SEPSECS: variants seen among roughly 807,000 people sequenced by gnomAD.
The protein encoded by SEPSECS is O-phosphoseryl-tRNA(Sec) selenium transferase.
Under a neutral mutation model 52.1 loss-of-function variants are expected in SEPSECS, and 42 were observed. That is an observed-to-expected ratio of 0.81 (90% CI 0.63 to 1.04). SEPSECS has a LOEUF of 1.04. Among genes scored for constraint, SEPSECS ranks in the 50% least tolerant of loss-of-function variants. The pLI, the probability that SEPSECS is intolerant of heterozygous loss-of-function variation, is 0.00. For missense variants in SEPSECS, 590 were observed against 610.6 expected (o/e 0.97, Z 0.36); for synonymous variants, 216 against 211.4 (o/e 1.02, Z -0.19).
intron 8 of SEPSECS, among the ~76,000 whole-genome samples, chr4:25,140,053 T>C (rs961663971): frequency 3.9e-5 from 6 of 152,210 alleles, no homozygotes; most frequent in African/African-American, 1.4e-4. Context: ...CAGCTGACAG[T>C]TGTAAGATTA....
At position 25,157,274 on chromosome 4, in the gene SEPSECS, C is replaced by A. The variant is rs6819293; in HGVS notation, c.270-300G>T. On this transcript the variant is annotated intron_variant, in intron 2 of 10. Coordinates refer to ENST00000382103, the MANE Select transcript of SEPSECS (RefSeq NM_016955.4). The stretch of plus-strand genomic sequence containing the variant: ...TACTTCCTCTCCACTTGAATCTGGG[C>A]TGAATTTAGTAACTTGCTTGGCCAG... Among the ~76,000 whole-genome samples, 2,002 of 152,254 alleles carry A rather than the reference C, an allele frequency of 0.013. 41 individuals are homozygous for A. Among genetic ancestry groups the A allele is most frequent in the African/African-American group, 0.044 (1,848 of 41,530 alleles).
At chr4:25,156,514 C>A (rs1432969379) in intron 3 of SEPSECS, among the ~76,000 whole-genome samples, 2 of 151,560 alleles carry the variant, frequency 1.3e-5, no homozygotes, top group Non-Finnish European at 2.9e-5. Flanking sequence ...ACCATCCTGG[C>A]TAACACGGTG....
chr4:25,159,401 G>C (rs1712905615), intron 1 of SEPSECS: 1 of 381,440 alleles, frequency 2.6e-6, no homozygotes, highest in African/African-American at 2.1e-5. Flanking sequence ...CACATCCCCA[G>C]TGAAGATGCT....
chr4:25,134,793 A>T (rs1039332848), intron 8 of SEPSECS, among the ~76,000 whole-genome samples: 25 of 152,186 alleles, frequency 1.6e-4, no homozygotes, highest in African/African-American at 5.8e-4. Flanking sequence ...ATTTGGCATT[A>T]TAATGGCAGC....
chr4:25,150,272 T>C (rs1226602946), intron 6 of SEPSECS, among the ~76,000 whole-genome samples: 4 of 152,238 alleles, frequency 2.6e-5, no homozygotes, highest in Non-Finnish European at 5.9e-5. Flanking sequence ...ATGTCAAAAC[T>C]GTATGTGTAT....
At chr4:25,144,403 A>G (rs1711831079) in intron 8 of SEPSECS, among the ~76,000 whole-genome samples, 1 of 151,940 alleles carries the variant, frequency 6.6e-6, no homozygotes, top group Non-Finnish European at 1.5e-5. Flanking sequence ...TCACTCCTAA[A>G]CAATTTTCAA....
intron 5 of SEPSECS, among the ~76,000 whole-genome samples, chr4:25,153,794 C>T (rs1385005933): frequency 3.3e-5 from 5 of 151,956 alleles, no homozygotes; most frequent in South Asian, 4.1e-4. Flanking sequence ...CATTACACAA[C>T]GGTGACAAAT....
intron 8 of SEPSECS, among the ~76,000 whole-genome samples, chr4:25,128,429 TAACAAAAACAAA>T (rs142838476): frequency 0.025 from 3,767 of 150,622 alleles, 129 homozygotes; most frequent in African/African-American, 0.084. Flanking sequence ...CTGGGTAACA[TAACAAAAACAAA>T]AACAAAAACA....
chr4:25,137,377 C>T (rs900686900), intron 8 of SEPSECS, among the ~76,000 whole-genome samples: 1 of 151,928 alleles, frequency 6.6e-6, no homozygotes, highest in African/African-American at 2.4e-5. Context: ...GAAAAAAAAT[C>T]AAACAACCCC....
At position 25,138,494 on chromosome 4, in the gene SEPSECS, A is replaced by C. The variant is rs531015259; in HGVS notation, c.1026+6280T>G. Reference sequence around the variant, plus strand: ...TTAAATAAATAAATAAAATAAATTTATGATTTTAGCCAAATCTGAGGAGTG... The same window carrying C: ...TTAAATAAATAAATAAAATAAATTTCTGATTTTAGCCAAATCTGAGGAGTG... On this transcript the variant is annotated intron_variant, in intron 8 of 10. Coordinates refer to ENST00000382103, the MANE Select transcript of SEPSECS (RefSeq NM_016955.4). Among the ~76,000 whole-genome samples, 4 of 151,692 alleles carry C rather than the reference A, an allele frequency of 2.6e-5. No individual in the cohort carries two copies. The East Asian group carries it at 7.7e-4, about 29-fold the overall frequency.
intron 10 of SEPSECS, 93 bp downstream of exon 10, chr4:25,125,601 A>G: frequency 1.3e-6 from 1 of 796,278 alleles, no homozygotes; most frequent in Non-Finnish European, 2.2e-6. Flanking sequence ...ATAGTTCAGG[A>G]TATACTTGGG....
chr4:25,140,204 A>G (rs958138146), intron 8 of SEPSECS, among the ~76,000 whole-genome samples: 2 of 152,254 alleles, frequency 1.3e-5, no homozygotes, highest in African/African-American at 4.8e-5. Context: ...GAGGAGGGAC[A>G]CTGTAATTGA....
intron 8 of SEPSECS, among the ~76,000 whole-genome samples, chr4:25,142,472 G>A (rs1265985436): frequency 1.3e-5 from 2 of 152,182 alleles, no homozygotes; most frequent in African/African-American, 2.4e-5. Flanking sequence ...GGCAATGTGT[G>A]CTCCTCAAGA....
At chr4:25,150,995 T>A (rs557368904) in intron 6 of SEPSECS, among the ~76,000 whole-genome samples, 1 of 151,698 alleles carries the variant, frequency 6.6e-6, no homozygotes, top group East Asian at 1.9e-4. Context: ...CTCAAAAAAA[T>A]AAAAAACTAG....
intron 6 of SEPSECS, among the ~76,000 whole-genome samples, chr4:25,146,323 G>C (rs1711960809): frequency 1.3e-5 from 2 of 152,208 alleles, no homozygotes; most frequent in East Asian, 3.9e-4. Flanking sequence ...CCGAAGCAGG[G>C]AAGAGGAGCA....
chr4:25,127,704 C>T (rs1728438232), intron 8 of SEPSECS, among the ~76,000 whole-genome samples: 1 of 152,124 alleles, frequency 6.6e-6, no homozygotes. Flanking sequence ...ATTTTTCTGC[C>T]TGTTCTCCAC....
At chr4:25,155,919 C>A in intron 4 of SEPSECS, 118 bp downstream of exon 4, 2 of 965,618 alleles carry the variant, frequency 2.1e-6, no homozygotes, top group East Asian at 2.7e-5. Context: ...ACAATTTTTT[C>A]TTTTAAAAAA....
chr4:25,160,281 T>G lies in SEPSECS; in HGVS notation c.89A>C (p.His30Pro), dbSNP rs1285096770. 1 of 1,555,924 alleles carries G rather than the reference T, an allele frequency of 6.4e-7. No individual in the cohort carries two copies. Among genetic ancestry groups the G allele is most frequent in the Admixed American group, 1.9e-5 (1 of 52,196 alleles). The change falls in exon 1 of 11, where the codon CAC (histidine) becomes CCC (proline). Residue 30 changes from histidine to proline, a missense_variant. Coordinates refer to ENST00000382103, the MANE Select transcript of SEPSECS (RefSeq NM_016955.4). The stretch of plus-strand genomic sequence containing the variant: ...CTTCTCCAGAAGCAGCCGTATGAGG[T>G]GCTCATGCGAGCGGCGGGCCTCACA... ...QGCEARRSHEHLIRLLLEKGK... is the reference protein window; with the variant it reads ...QGCEARRSHEPLIRLLLEKGK...
intron 8 of SEPSECS, among the ~76,000 whole-genome samples, chr4:25,130,081 TAAC>T (rs1409820007): frequency 6.6e-6 from 1 of 152,188 alleles, no homozygotes; most frequent in African/African-American, 2.4e-5. Flanking sequence ...ACAAACCGCC[TAAC>T]AACAACATAA....
Sources: gnomAD v4.1 joint callset for allele counts (sites outside exome capture counted in the v4.1 genomes callset) on GRCh38, gnomAD v4.1.1 for gene constraint, MANE v1.5 for transcripts, NCBI Gene and HGNC (gene_info 2026-07-23, HGNC 2026-07-21) for gene names.